REDIC1: variants seen among roughly 807,000 people sequenced by gnomAD.
REDIC1 encodes the protein HEI10 Interacting Protein 1.
chr12:39,863,096 C>T, the REDIC1 span, among the ~76,000 whole-genome samples: 1 of 152,050 alleles, frequency 6.6e-6, no homozygotes, highest in African/African-American at 2.4e-5. Flanking sequence ...CGAAGGACAC[C>T]TAAAATTTGG....
chr12:39,815,175 T>C, the REDIC1 span, among the ~76,000 whole-genome samples: 1 of 152,182 alleles, frequency 6.6e-6, no homozygotes, highest in Non-Finnish European at 1.5e-5. Context: ...CTCTACATTA[T>C]ACCAGAGCTA....
chr12:39,784,793 A>G, the REDIC1 span, among the ~76,000 whole-genome samples: 1 of 152,204 alleles, frequency 6.6e-6, no homozygotes, highest in Middle Eastern at 3.2e-3. Context: ...CAGGCAACCT[A>G]TAGAATGGGA....
the REDIC1 span, chr12:39,764,412 A>T: frequency 7.0e-7 from 1 of 1,428,454 alleles, no homozygotes; most frequent in Non-Finnish European, 9.4e-7. Context: ...ATCTAAAAAT[A>T]GTGATAAAAA....
chr12:39,859,373 T>A, the REDIC1 span, among the ~76,000 whole-genome samples: 8 of 146,710 alleles, frequency 5.5e-5, no homozygotes, highest in African/African-American at 2.0e-4. Context: ...ATGGCAGTGG[T>A]TCTTAATGGA....
chr12:39,766,334 C>A, the REDIC1 span, among the ~76,000 whole-genome samples: 3 of 152,032 alleles, frequency 2.0e-5, no homozygotes, highest in African/African-American at 7.2e-5. Context: ...AGTTATGTTC[C>A]CATGAAAGTG....
the REDIC1 span, among the ~76,000 whole-genome samples, chr12:39,639,537 A>G: frequency 6.6e-6 from 1 of 151,990 alleles, no homozygotes; most frequent in Admixed American, 6.6e-5. Context: ...TTCTCAGTTG[A>G]CATACTTGAA....
At chr12:39,712,286 CTGTATGTATATATACATACATA>C in the REDIC1 span, among the ~76,000 whole-genome samples, 1 of 124,418 alleles carries the variant, frequency 8.0e-6, no homozygotes, top group Non-Finnish European at 1.7e-5. Flanking sequence ...GTATATATAC[CTGTATGTATATATACATACATA>C]TATATGTATA....
At chr12:39,639,234 T>C in the REDIC1 span, among the ~76,000 whole-genome samples, 5 of 151,940 alleles carry the variant, frequency 3.3e-5, no homozygotes, top group Non-Finnish European at 7.4e-5. Context: ...ATGGCAGCAG[T>C]ACACTTATGA....
At chr12:39,817,521 A>G in the REDIC1 span, among the ~76,000 whole-genome samples, 8 of 152,208 alleles carry the variant, frequency 5.3e-5, no homozygotes, top group African/African-American at 1.9e-4. Context: ...TTGCATCATA[A>G]AACACCAAAC....
chr12:39,889,330 A>G, the REDIC1 span, among the ~76,000 whole-genome samples: 1 of 152,048 alleles, frequency 6.6e-6, no homozygotes, highest in Admixed American at 6.6e-5. Context: ...GGATTTATAT[A>G]TCTATATATT....
the REDIC1 span, among the ~76,000 whole-genome samples, chr12:39,847,665 C>G: frequency 6.6e-6 from 1 of 151,976 alleles, no homozygotes; most frequent in Non-Finnish European, 1.5e-5. Context: ...GCACATTGGT[C>G]CCCAACTCCT....
chr12:39,901,896 T>C, the REDIC1 span, among the ~76,000 whole-genome samples: 1 of 151,698 alleles, frequency 6.6e-6, no homozygotes, highest in Admixed American at 6.6e-5. Context: ...TGCACACGTA[T>C]GTTTATTGCG....
At chr12:39,699,821 A>C in the REDIC1 span, among the ~76,000 whole-genome samples, 131,564 of 151,830 alleles carry the variant, frequency 0.87, 57,256 homozygotes, top group African/African-American at 0.92. Context: ...AGGCACCCCC[A>C]AGCAGTGGTA....
the REDIC1 span, among the ~76,000 whole-genome samples, chr12:39,896,572 G>A: frequency 2.6e-5 from 3 of 113,934 alleles, no homozygotes; most frequent in Non-Finnish European, 5.7e-5. Context: ...ATATATGTAT[G>A]TATGTGTGTA....
At chr12:39,820,929 C>A in the REDIC1 span, among the ~76,000 whole-genome samples, 2 of 151,822 alleles carry the variant, frequency 1.3e-5, no homozygotes, top group Non-Finnish European at 2.9e-5. Flanking sequence ...CCTAAAGCCA[C>A]TCACATTAGC....
At chr12:39,805,807 T>C in the REDIC1 span, among the ~76,000 whole-genome samples, 7 of 152,242 alleles carry the variant, frequency 4.6e-5, no homozygotes, top group East Asian at 1.4e-3. Flanking sequence ...AAATAAATAA[T>C]CTAGAAAGGG....
the REDIC1 span, among the ~76,000 whole-genome samples, chr12:39,821,367 G>A: frequency 6.6e-6 from 1 of 151,812 alleles, no homozygotes; most frequent in Non-Finnish European, 1.5e-5. Context: ...CCGAGATTGT[G>A]CCACTACACT....
the REDIC1 span, among the ~76,000 whole-genome samples, chr12:39,729,515 T>C: frequency 6.6e-6 from 1 of 152,230 alleles, no homozygotes; most frequent in African/African-American, 2.4e-5. Context: ...TGCACTGTGG[T>C]CTGAGTGACT....
the REDIC1 span, among the ~76,000 whole-genome samples, chr12:39,750,133 T>C: frequency 6.6e-6 from 1 of 152,232 alleles, no homozygotes; most frequent in Non-Finnish European, 1.5e-5. Flanking sequence ...AAATTGTCCC[T>C]GTTTGCAGAT....
Sources: gnomAD v4.1 joint callset for allele counts (sites outside exome capture counted in the v4.1 genomes callset) on GRCh38, gnomAD v4.1.1 for gene constraint, MANE v1.5 for transcripts, NCBI Gene and HGNC (gene_info 2026-07-23, HGNC 2026-07-21) for gene names.